BMP2K: variants seen among roughly 807,000 people sequenced by gnomAD.
BMP2K encodes BMP-2-inducible protein kinase.
In BMP2K, 74 loss-of-function variants were observed where a neutral mutation model predicts 116.0. The observed-to-expected ratio is 0.64, with a 90% CI of 0.53 to 0.77. The LOEUF is 0.77. Ranked by LOEUF, BMP2K falls within the 30% of genes least tolerant of loss-of-function variation. The pLI, the probability that BMP2K is intolerant of heterozygous loss-of-function variation, is 0.00. For synonymous variants in BMP2K, 486 were observed against 502.5 expected, an observed-to-expected ratio of 0.97 and a Z score of 0.44; for missense variants, 1,365 against 1,403.6, an observed-to-expected ratio of 0.97 and a Z score of 0.44.
chr4:78,805,930 C>T (rs941942337), intron 1 of BMP2K, among the ~76,000 whole-genome samples: 4 of 152,072 alleles, frequency 2.6e-5, no homozygotes, highest in African/African-American at 7.2e-5. Flanking sequence ...AAGATTGCAC[C>T]ACCGCACTCT....
intron 13 of BMP2K, among the ~76,000 whole-genome samples, chr4:78,875,052 T>C (rs1732567251): frequency 6.6e-6 from 1 of 152,224 alleles, no homozygotes; most frequent in Admixed American, 6.5e-5. Flanking sequence ...GAAAAAATTA[T>C]ACACTCAGCC....
At chr4:78,862,830 T>C (rs935067094) in intron 9 of BMP2K, among the ~76,000 whole-genome samples, 11 of 152,150 alleles carry the variant, frequency 7.2e-5, no homozygotes, top group African/African-American at 2.7e-4. Context: ...TGTAAAGTTA[T>C]ATCTAACTTG....
intron 14 of BMP2K, among the ~76,000 whole-genome samples, chr4:78,885,647 G>A (rs1197702847): frequency 1.3e-5 from 2 of 152,160 alleles, no homozygotes; most frequent in East Asian, 3.8e-4. Flanking sequence ...GCTTACCATG[G>A]AATTCTTGGA....
At chr4:78,905,532 A>G (rs1221879987) in intron 15 of BMP2K, among the ~76,000 whole-genome samples, 2 of 151,988 alleles carry the variant, frequency 1.3e-5, no homozygotes, top group Non-Finnish European at 2.9e-5. Flanking sequence ...CTGTAAATAC[A>G]TGTTGTTAGT....
intron 1 of BMP2K, among the ~76,000 whole-genome samples, chr4:78,786,405 A>ATGTGTGTGTGTGTGTGTGTGTGTG (rs34288286): frequency 3.0e-5 from 4 of 134,292 alleles, no homozygotes; most frequent in African/African-American, 1.1e-4. Context: ...AAGCCACCCA[A>ATGTGTGTGTGTGTGTGTGTGTGTG]TGTGTGTGTG....
intron 1 of BMP2K, among the ~76,000 whole-genome samples, chr4:78,811,983 T>C (rs1729114451): frequency 6.6e-6 from 1 of 152,090 alleles, no homozygotes. Context: ...TTTTTTTTTG[T>C]TTTTTTAAAG....
At chr4:78,871,208 GTATT>G in intron 11 of BMP2K, 148 bp downstream of exon 11, 1 of 1,409,002 alleles carries the variant, frequency 7.1e-7, no homozygotes, top group South Asian at 1.4e-5. Flanking sequence ...GAAAGAATAC[GTATT>G]TAATTTGCAA....
intron 1 of BMP2K, among the ~76,000 whole-genome samples, chr4:78,811,334 C>T (rs1319030782): frequency 1.3e-5 from 2 of 152,106 alleles, no homozygotes; most frequent in South Asian, 2.1e-4. Flanking sequence ...GAGTATTTTG[C>T]GGCAGGTGTG....
chr4:78,867,095 C>A (rs190680085), intron 10 of BMP2K, among the ~76,000 whole-genome samples: 33 of 151,428 alleles, frequency 2.2e-4, no homozygotes, highest in African/African-American at 7.8e-4. Flanking sequence ...TCCCTTGGAC[C>A]CAGTAGATGG....
At chr4:78,786,803 A>G (rs1055278686) in intron 1 of BMP2K, among the ~76,000 whole-genome samples, 3 of 152,204 alleles carry the variant, frequency 2.0e-5, no homozygotes, top group African/African-American at 7.2e-5. Context: ...TGTTACTCAT[A>G]TAGCACTTAT....
At chr4:78,805,660 T>G (rs1403127101) in intron 1 of BMP2K, among the ~76,000 whole-genome samples, 4 of 152,162 alleles carry the variant, frequency 2.6e-5, no homozygotes, top group African/African-American at 9.7e-5. Context: ...GATTGTTCAT[T>G]GCTAGTGTAT....
chr4:78,781,379 A>ATC (rs1413577095), intron 1 of BMP2K, among the ~76,000 whole-genome samples: 1 of 151,926 alleles, frequency 6.6e-6, no homozygotes, highest in East Asian at 1.9e-4. Context: ...TTGCTTATGT[A>ATC]TCTCTCAGGT....
intron 2 of BMP2K, among the ~76,000 whole-genome samples, chr4:78,833,139 G>C (rs1277821542): frequency 6.6e-6 from 1 of 151,950 alleles, no homozygotes; most frequent in Non-Finnish European, 1.5e-5. Context: ...TTAGTTAGAA[G>C]TGCATGTGTC....
At chr4:78,850,604 T>A (rs921073201) in intron 6 of BMP2K, among the ~76,000 whole-genome samples, 14 of 151,926 alleles carry the variant, frequency 9.2e-5, no homozygotes, top group Non-Finnish European at 1.5e-4. Context: ...GTTGGTTATA[T>A]GCTAGTTATG....
At chr4:78,839,687 C>T (rs577954502) in intron 3 of BMP2K, among the ~76,000 whole-genome samples, 11 of 152,054 alleles carry the variant, frequency 7.2e-5, no homozygotes, top group South Asian at 2.1e-4. Flanking sequence ...CACAATATGC[C>T]ATCTGTAAGC....
intron 1 of BMP2K, among the ~76,000 whole-genome samples, chr4:78,824,799 A>G (rs948369340): frequency 1.3e-5 from 2 of 152,220 alleles, no homozygotes; most frequent in Non-Finnish European, 2.9e-5. Flanking sequence ...ATTCTGTGTC[A>G]AGATAAATTT....
intron 15 of BMP2K, among the ~76,000 whole-genome samples, chr4:78,889,463 T>C (rs988729312): frequency 2.9e-4 from 44 of 152,160 alleles, no homozygotes; most frequent in Non-Finnish European, 5.3e-4. Context: ...AGTTAAAAAA[T>C]CTAAATATAT....
intron 1 of BMP2K, among the ~76,000 whole-genome samples, chr4:78,797,731 A>G (rs181005465): frequency 1.3e-5 from 2 of 151,964 alleles, no homozygotes; most frequent in Admixed American, 1.3e-4. Context: ...CATATGTTTT[A>G]TGTTTTTTTT....
intron 1 of BMP2K, among the ~76,000 whole-genome samples, chr4:78,798,190 A>C (rs1728392116): frequency 6.6e-6 from 1 of 152,148 alleles, no homozygotes; most frequent in African/African-American, 2.4e-5. Context: ...AAAGTCTTGG[A>C]GTTTGGTATG....
Sources: allele counts gnomAD v4.1 joint callset (sites outside exome capture counted in the v4.1 genomes callset), GRCh38; gene constraint gnomAD v4.1.1; transcripts MANE v1.5; gene names NCBI Gene and HGNC (gene_info 2026-07-23, HGNC 2026-07-21).